Variants in HYAL3 observed in about 807,000 individuals in gnomAD.
HYAL3 encodes hyaluronidase-3.
Under a neutral mutation model 29.6 loss-of-function variants are expected in HYAL3, and 25 were observed. That is an observed-to-expected ratio of 0.85 (90% CI 0.62 to 1.18). The LOEUF is 1.18. Ranked by LOEUF, HYAL3 falls within the 50% of genes most tolerant of loss-of-function variation. The pLI, the probability that HYAL3 is intolerant of heterozygous loss-of-function variation, is 0.00. For missense variants in HYAL3, 442 were observed against 548.4 expected, an observed-to-expected ratio of 0.81 and a Z score of 1.94; for synonymous variants, 215 against 218.3, an observed-to-expected ratio of 0.99 and a Z score of 0.13.
At chr3:50,296,862 C>A (rs1553711276) in intron 1 of HYAL3, 37 of 1,593,894 alleles carry the variant, frequency 2.3e-5, no homozygotes, top group Non-Finnish European at 3.1e-5. Context: ...CAGCCGTCTG[C>A]TGGTGAAGAC....
chr3:50,293,101 T>C lies in HYAL3; in HGVS notation c.*145A>G. 2 of 1,451,742 alleles carry C rather than the reference T, an allele frequency of 1.4e-6. No individual in the cohort carries two copies. Among genetic ancestry groups the C allele is most frequent in the Non-Finnish European group, 1.9e-6 (2 of 1,040,806 alleles). The allele number at this position is 1,451,742 out of a possible 1,614,324, so 89.9% of individuals were successfully genotyped here. A position where few individuals can be genotyped will look rare whatever the true frequency, so the allele number is the denominator to read the frequency against. ...TATAAGCGTTTTTTCTGGCCCCTTC[T>C]ACCCCTCAGGGATTCCAAGGGAAGC... On this transcript the variant is annotated 3_prime_UTR_variant, in exon 4 of 4. Transcript: ENST00000336307.
chr3:50,294,728 G>A lies in HYAL3; in HGVS notation c.875C>T (p.Ser292Phe). ...LAYVRLTHRR[S>F]GRFLSQDDLV... ...ACTTACCTGGGACAGGAACCTCCCAGATCTCCGGTGTGTGAGGCGGACATA... is the reference window on the plus strand; with the variant it reads ...ACTTACCTGGGACAGGAACCTCCCAAATCTCCGGTGTGTGAGGCGGACATA... The change falls in exon 2 of 4, where the codon TCT (serine) becomes TTT (phenylalanine). Residue 292 changes from serine (S) to phenylalanine (F), a missense_variant. By Grantham distance (155) the Ser-to-Phe change is radical. Transcript: ENST00000336307. 6.6e-7 allele frequency: 1 copy of A among 1,505,106 alleles called. No homozygotes were observed. The highest frequency in any genetic ancestry group is 8.9e-7 in the Non-Finnish European group (1 of 1,126,132). The allele number at this position is 1,505,106 out of a possible 1,614,324, so 93.2% of individuals were successfully genotyped here.
At chr3:50,298,031 G>T in intron 1 of HYAL3, 1 of 985,884 alleles carries the variant, frequency 1.0e-6, no homozygotes, top group Non-Finnish European at 1.2e-6. Flanking sequence ...TAAAACAGCC[G>T]ACCCAATCTA....
intron 1 of HYAL3, among the ~76,000 whole-genome samples, chr3:50,296,245 C>T (rs1701834473): frequency 6.6e-6 from 1 of 152,240 alleles, no homozygotes; most frequent in African/African-American, 2.4e-5. Context: ...GCCACCCTGT[C>T]TCCTGAGCCA....
Position 50,297,534 on chromosome 3 carries a change from A to G in HYAL3, c.-18+1679T>C. On this transcript the variant is annotated intron_variant, in intron 1 of 3. Coordinates refer to ENST00000336307, the MANE Select transcript of HYAL3 (RefSeq NM_003549.4). This position sits in a 1 kb window ranked among gnomAD's most constrained non-coding sequence, Gnocchi z 4.3. ...GCTCAGAGTCAGCTCTTGCCTATGC[A>G]CAGGATCCAGGTTCAGCTGAGTCAG... 1 of 1,516,156 alleles carries G rather than the reference A, an allele frequency of 6.6e-7. No homozygotes were observed. Among genetic ancestry groups the G allele is most frequent in the Non-Finnish European group, 8.9e-7 (1 of 1,129,918 alleles). 93.9% of individuals were successfully genotyped at this position (1,516,156 alleles called of 1,614,324 possible). A position where few individuals can be genotyped will look rare whatever the true frequency, so the allele number is the denominator to read the frequency against.
chr3:50,293,263 G>A lies in HYAL3; in HGVS notation c.1237C>T (p.Pro413Ser), dbSNP rs782509137. 3.1e-6 allele frequency: 5 copies of A among 1,612,998 alleles called. No individual in the cohort carries two copies. Among genetic ancestry groups the A allele is most frequent in the Non-Finnish European group, 4.2e-6 (5 of 1,180,034 alleles). The change falls in exon 4 of 4, where the codon CCT (proline) becomes TCT (serine). Residue 413 changes from proline (P) to serine (S), a missense_variant. Transcript: ENST00000336307. ...CCCTGGCTTTATACTGCTTCTTTAG[G>A]CCCAGGCCTGGGCTCCTGGCAGGTG... ...GPTCQEPRPG[P>S]KEAV
rs782574310 is a variant in HYAL3, at chr3:50,299,194, G to C, written c.-18+19C>G. The C allele has an allele frequency of 6.2e-7, 1 of 1,614,202 alleles. No individual in the cohort carries two copies. Among genetic ancestry groups the C allele is most frequent in the East Asian group, 2.2e-5 (1 of 44,882 alleles). On this transcript the variant is annotated intron_variant, in intron 1 of 3. Transcript: ENST00000336307. ...GGGGTGGACCTACAGGCAGCAAATG[G>C]GAAGGGTGCGGTACTGACATGTTGA...
At position 50,299,061 on chromosome 3, in the gene HYAL3, T is replaced by C. The variant is rs9820116; in HGVS notation, c.-18+152A>G. On this transcript the variant is annotated intron_variant, in intron 1 of 3. Coordinates refer to ENST00000336307, the MANE Select transcript of HYAL3 (RefSeq NM_003549.4). ...TGTGGAGCTTTTGGGAATGAGGACT[T>C]CGAGAGCTCGACTCTGTGGGCAGGT... The C allele has an allele frequency of 5.9e-4, 946 of 1,592,770 alleles. 2 individuals are homozygous for C. The African/African-American group carries it at 0.011, about 18-fold the overall frequency.
rs782700120 is a variant in HYAL3, at chr3:50,293,485, C to T, written c.1015G>A (p.Val339Met). 2 of 1,613,354 alleles carry T rather than the reference C, an allele frequency of 1.2e-6. No homozygotes were observed. The highest frequency in any genetic ancestry group is 1.7e-6 in the Non-Finnish European group (2 of 1,179,632). Residue 339 changes from valine to methionine, a missense_variant, in exon 4 of 4, where the codon GTG becomes ATG. Physicochemically the swap from Val to Met is conservative, Grantham distance 21 (BLOSUM62 1). Transcript: ENST00000336307. ...EECWHLHDYL[V>M]DTLGPYVINV... ...ATCACATAGGGGCCCAAGGTGTCCA[C>T]CAGGTAGTCATGGAGATGCCAGCAC...
intron 1 of HYAL3, chr3:50,298,081 C>T (rs1033110977): frequency 1.0e-6 from 1 of 985,418 alleles, no homozygotes. Context: ...TCCTAGTCCA[C>T]CACTAGGGCA....
rs782028981 is a variant in HYAL3, at chr3:50,294,734, C to T, written c.869G>A (p.Arg290Gln). The change falls in exon 2 of 4, where the codon CGG (arginine) becomes CAG (glutamine). Residue 290 changes from arginine to glutamine, a missense_variant. Transcript: ENST00000336307. Reference protein sequence around the residue: ...PVLAYVRLTHRRSGRFLSQDD... With the variant: ...PVLAYVRLTHQRSGRFLSQDD... ...CTGGGACAGGAACCTCCCAGATCTC[C>T]GGTGTGTGAGGCGGACATAGGCCAG... is the stretch of plus-strand genomic sequence containing the variant. The T allele has an allele frequency of 1.0e-5, 15 of 1,506,038 alleles. No individual in the cohort carries two copies. The highest frequency in any genetic ancestry group is 1.8e-4 in the Middle Eastern group (1 of 5,562). 93.3% of individuals were successfully genotyped at this position (1,506,038 alleles called of 1,614,324 possible). A position where few individuals can be genotyped will look rare whatever the true frequency, so the allele number is the denominator to read the frequency against.
chr3:50,294,399 C>T (rs1354986886), intron 2 of HYAL3, among the ~76,000 whole-genome samples: 7 of 152,188 alleles, frequency 4.6e-5, no homozygotes, highest in Admixed American at 3.9e-4. Context: ...TCCCAAAGTA[C>T]TGGGATTATA....
Position 50,293,794 on chromosome 3 carries a change from A to G in HYAL3, c.895-73T>C, listed in dbSNP as rs72932949. On this transcript the variant is annotated intron_variant, in intron 2 of 3. Coordinates refer to ENST00000336307, the MANE Select transcript of HYAL3 (RefSeq NM_003549.4). ...GTGGGCACACATCCACATTCAAGAA[A>G]CTCTTCTGGTTCACTGTCACAATCT... The G allele has an allele frequency of 5.5e-3, 7,108 of 1,286,422 alleles. 318 individuals are homozygous for G. In the African/African-American group the frequency reaches 0.094, roughly 17 times the overall value. 79.7% of individuals were successfully genotyped at this position (1,286,422 alleles called of 1,614,324 possible).
In HYAL3 at chr3:50,292,935, C is replaced by T. The variant is rs1553710216; in HGVS notation, c.*311G>A. 2 of 1,525,248 alleles carry T rather than the reference C, an allele frequency of 1.3e-6. No individual in the cohort carries two copies. Among genetic ancestry groups the T allele is most frequent in the Non-Finnish European group, 1.8e-6 (2 of 1,133,506 alleles). The allele number at this position is 1,525,248 out of a possible 1,614,324, so 94.5% of individuals were successfully genotyped here. ...GGGGCCCATCTGCCCGTGCACGGCC[C>T]ATCTGTGACCTCTCCATGGGCTTAG... On this transcript the variant is annotated 3_prime_UTR_variant, in exon 4 of 4. Coordinates refer to ENST00000336307, the MANE Select transcript of HYAL3 (RefSeq NM_003549.4).
rs1559805880 is a variant in HYAL3, at chr3:50,293,486, C to CAGGT, written c.1010_1013dup (p.Val339ProfsTer77). 5.0e-6 allele frequency: 8 copies of CAGGT among 1,613,324 alleles called. No homozygotes were observed. Among genetic ancestry groups the CAGGT allele is most frequent in the Non-Finnish European group, 6.8e-6 (8 of 1,179,592 alleles). On this transcript the variant is annotated frameshift_variant, in exon 4 of 4. Coordinates refer to ENST00000336307, the MANE Select transcript of HYAL3 (RefSeq NM_003549.4). LOFTEE classifies it high-confidence loss of function. ...TCACATAGGGGCCCAAGGTGTCCAC[C>CAGGT]AGGTAGTCATGGAGATGCCAGCACT...
chr3:50,297,595 G>A lies in HYAL3; in HGVS notation c.-18+1618C>T, dbSNP rs1553711612. On this transcript the variant is annotated intron_variant, in intron 1 of 3. Coordinates refer to ENST00000336307, the MANE Select transcript of HYAL3 (RefSeq NM_003549.4). This position sits in a 1 kb window ranked among gnomAD's most constrained non-coding sequence, Gnocchi z 4.3. Reference sequence around the variant, plus strand: ...AAGGTCACCTGCTGCTAGGTTGCAGGTGGCTCAGTGCCAGGCTGGAGGTTA... The same window carrying A: ...AAGGTCACCTGCTGCTAGGTTGCAGATGGCTCAGTGCCAGGCTGGAGGTTA... 1 of 1,488,676 alleles carries A rather than the reference G, an allele frequency of 6.7e-7. No homozygotes were observed. Among genetic ancestry groups the A allele is most frequent in the Non-Finnish European group, 8.9e-7 (1 of 1,122,724 alleles). The allele number at this position is 1,488,676 out of a possible 1,614,324, so 92.2% of individuals were successfully genotyped here.
intron 1 of HYAL3, chr3:50,295,882 T>C (rs1224813934): frequency 2.2e-6 from 1 of 460,128 alleles, no homozygotes; most frequent in Non-Finnish European, 3.9e-6. Context: ...CCATGTTCCG[T>C]CTTTGTCAAT....
In HYAL3 at chr3:50,299,300, C is replaced by G. The variant is rs1702018839; in HGVS notation, c.-105G>C. ...AGTCGCCACCTCGGACTCCTCGGTC[C>G]GACAACGTTGGCCCCCAGCGGTGCG... On this transcript the variant is annotated 5_prime_UTR_variant, in exon 1 of 4. Transcript: ENST00000336307. 5 of 1,611,396 alleles carry G rather than the reference C, an allele frequency of 3.1e-6. No homozygotes were observed. The highest frequency in any genetic ancestry group is 4.2e-6 in the Non-Finnish European group (5 of 1,179,402).
rs1575494729 is a variant in HYAL3, at chr3:50,293,511, T to G, written c.989A>C (p.Glu330Ala). 1.2e-6 allele frequency: 2 copies of G among 1,612,332 alleles called. No individual in the cohort carries two copies. The highest frequency in any genetic ancestry group is 1.7e-6 in the Non-Finnish European group (2 of 1,178,714). The change falls in exon 4 of 4, where the codon GAG becomes GCG. Residue 330 changes from glutamate (E) to alanine (A), a missense_variant. Transcript: ENST00000336307. ...CAGGTAGTCATGGAGATGCCAGCAC[T>G]CCTCCTGAGGAGAAGGGAAGATATG... is the stretch of plus-strand genomic sequence containing the variant. ...GDLSLSSSEE[E>A]CWHLHDYLVD...
Sources: gnomAD v4.1 joint callset for allele counts (sites outside exome capture counted in the v4.1 genomes callset) on GRCh38, gnomAD v4.1.1 for gene constraint, Gnocchi (gnomAD v3.1) non-coding constraint, MANE v1.5 for transcripts, NCBI Gene and HGNC (gene_info 2026-07-23, HGNC 2026-07-21) for gene names.